Variants in INVS observed in about 807,000 individuals in gnomAD.
INVS encodes the protein inversion of embryo turning homolog.
Under a neutral mutation model 108.8 loss-of-function variants are expected in INVS, and 86 were observed. The ratio of observed to expected loss-of-function variants is 0.79; its 90% CI spans 0.66 to 0.95. The LOEUF (loss-of-function observed/expected upper bound fraction) is 0.95, where lower values mean the gene tolerates loss of function less well. Among genes scored for constraint, INVS ranks in the 40% least tolerant of loss-of-function variants. The probability of loss-of-function intolerance (pLI) is 0.00; values close to 1 mark genes in which losing one functional copy is unlikely to be tolerated. For synonymous variants in INVS, 455 were observed against 473.5 expected (o/e 0.96, Z 0.51); for missense variants, 1,169 against 1,297.4 (o/e 0.90, Z 1.52).
intron 13 of INVS, among the ~76,000 whole-genome samples, chr9:100,291,729 T>C (rs1458658444): frequency 6.6e-6 from 1 of 152,228 alleles, no homozygotes; most frequent in African/African-American, 2.4e-5. Context: ...ACTTTGGTTT[T>C]AAATTCTTAT....
At chr9:100,238,863 TG>T (rs1371362260) in intron 5 of INVS, among the ~76,000 whole-genome samples, 36 of 152,232 alleles carry the variant, frequency 2.4e-4, no homozygotes, top group Non-Finnish European at 4.7e-4. Flanking sequence ...TAATTAACAT[TG>T]TGAACTCACT....
At chr9:100,221,768 A>G (rs1265305741) in intron 3 of INVS, among the ~76,000 whole-genome samples, 1 of 152,154 alleles carries the variant, frequency 6.6e-6, no homozygotes, top group Admixed American at 6.6e-5. Context: ...TACTGTGGTC[A>G]ACCATGATCT....
At chr9:100,135,952 C>G (rs1319736097) in intron 3 of INVS, among the ~76,000 whole-genome samples, 1 of 151,788 alleles carries the variant, frequency 6.6e-6, no homozygotes, top group Non-Finnish European at 1.5e-5. Flanking sequence ...AGAACTAGAT[C>G]AGAGTGGTGT....
chr9:100,274,515 C>CT (rs202214788), intron 12 of INVS, among the ~76,000 whole-genome samples: 10,095 of 151,694 alleles, frequency 0.067, 532 homozygotes, highest in Admixed American at 0.17. Flanking sequence ...CAGGCAGATT[C>CT]TTTTTTTTTG....
chr9:100,188,734 A>G (rs1830130268), intron 3 of INVS, among the ~76,000 whole-genome samples: 1 of 151,532 alleles, frequency 6.6e-6, no homozygotes, highest in African/African-American at 2.4e-5. Context: ...CTCTTTCTCA[A>G]TCTTTTGGAA....
At chr9:100,179,162 T>G (rs907263826) in intron 3 of INVS, among the ~76,000 whole-genome samples, 8 of 152,240 alleles carry the variant, frequency 5.3e-5, no homozygotes, top group African/African-American at 1.9e-4. Context: ...AAGGAAAAAC[T>G]GGTTGCAGCC....
At chr9:100,127,364 A>T (rs1827919624) in intron 3 of INVS, among the ~76,000 whole-genome samples, 1 of 152,156 alleles carries the variant, frequency 6.6e-6, no homozygotes, top group Non-Finnish European at 1.5e-5. Flanking sequence ...TAAATGTATT[A>T]TTAAGAGCTC....
Position 100,139,746 on chromosome 9 carries a change from G to A in INVS, c.273+13197G>A, listed in dbSNP as rs149328658. 1.4e-4 allele frequency among the ~76,000 whole-genome samples: 22 copies of A among 152,192 alleles called. 1 individual carries two copies. The Middle Eastern group carries it at 0.017, about 118-fold the overall frequency. On this transcript the variant is annotated intron_variant, in intron 3 of 16. Transcript: ENST00000262457. ...CAGCTTCAACCTCCTGGATTCAAGT[G>A]ATCCTCCTGCCTCAGCCCCCAAGTA...
chr9:100,099,618 G>A (rs955674525), intron 1 of INVS, among the ~76,000 whole-genome samples: 1 of 152,216 alleles, frequency 6.6e-6, no homozygotes, highest in Non-Finnish European at 1.5e-5. Context: ...AGTTGAATGA[G>A]TCAATGACTT....
rs554832805 is a variant in INVS, at chr9:100,159,438, C to T, written c.273+32889C>T. On this transcript the variant is annotated intron_variant, in intron 3 of 16. Coordinates refer to ENST00000262457, the MANE Select transcript of INVS (RefSeq NM_014425.5). ...TCTTTTTATGTTAATAGGTTTTTTA[C>T]TTTTTTCAGAGAAAATTATATCCAG... is the stretch of plus-strand genomic sequence containing the variant. 2.6e-5 allele frequency among the ~76,000 whole-genome samples: 4 copies of T among 152,226 alleles called. No individual in the cohort carries two copies. In the South Asian group the frequency reaches 8.3e-4, roughly 32 times the overall value.
chr9:100,100,614 ATATATG>A (rs1564111080), intron 1 of INVS, among the ~76,000 whole-genome samples: 4 of 69,234 alleles, frequency 5.8e-5, no homozygotes, highest in African/African-American at 2.6e-4. Context: ...AATATATATA[ATATATG>A]TATATATAAT....
intron 3 of INVS, among the ~76,000 whole-genome samples, chr9:100,223,671 CAAGT>C: frequency 6.6e-6 from 1 of 152,254 alleles, no homozygotes; most frequent in East Asian, 1.9e-4. Context: ...TAAAGAATAA[CAAGT>C]AAGTTCTATT....
chr9:100,163,964 G>T (rs1272749904), intron 3 of INVS, among the ~76,000 whole-genome samples: 4 of 152,174 alleles, frequency 2.6e-5, no homozygotes, highest in Non-Finnish European at 5.9e-5. Flanking sequence ...ATTTTGAAAG[G>T]TTCATTCTAA....
At chr9:100,227,869 GA>G (rs913075819) in intron 4 of INVS, among the ~76,000 whole-genome samples, 4 of 151,976 alleles carry the variant, frequency 2.6e-5, no homozygotes, top group African/African-American at 9.7e-5. Context: ...ATCATCATTT[GA>G]AAACAATTAC....
intron 3 of INVS, chr9:100,130,912 T>C (rs1202335301): frequency 1.3e-5 from 2 of 152,170 alleles, no homozygotes; most frequent in African/African-American, 2.4e-5. Context: ...AATACATAAG[T>C]GTTTTATAAA....
chr9:100,280,889 A>T (rs1833253562), intron 12 of INVS, among the ~76,000 whole-genome samples: 1 of 152,178 alleles, frequency 6.6e-6, no homozygotes, highest in Non-Finnish European at 1.5e-5. Context: ...GGAGTTGAAG[A>T]CAAGCCTGGG....
chr9:100,180,588 G>A (rs969162696), intron 3 of INVS, among the ~76,000 whole-genome samples: 2 of 152,060 alleles, frequency 1.3e-5, no homozygotes, highest in African/African-American at 2.4e-5. Flanking sequence ...GGAAGAAGTC[G>A]AATCCCTGAA....
chr9:100,201,668 A>G (rs778556143), intron 3 of INVS, among the ~76,000 whole-genome samples: 2 of 152,204 alleles, frequency 1.3e-5, no homozygotes, highest in Non-Finnish European at 2.9e-5. Flanking sequence ...CCACAACAAG[A>G]TATAAGACTG....
At chr9:100,132,277 A>G (rs1052907261) in intron 3 of INVS, among the ~76,000 whole-genome samples, 1 of 152,192 alleles carries the variant, frequency 6.6e-6, no homozygotes, top group Non-Finnish European at 1.5e-5. Flanking sequence ...GTAAATGTGA[A>G]TATCAAATAG....
Sources: allele counts gnomAD v4.1 joint callset (sites outside exome capture counted in the v4.1 genomes callset), GRCh38; gene constraint gnomAD v4.1.1; transcripts MANE v1.5; gene names NCBI Gene and HGNC (gene_info 2026-07-23, HGNC 2026-07-21).